DNAH11: variants seen among roughly 807,000 people sequenced by gnomAD.
DNAH11 encodes the protein axonemal beta dynein heavy chain 11.
In DNAH11, 442 loss-of-function variants were observed where a neutral mutation model predicts 526.0. The observed-to-expected ratio is 0.84, with a 90% confidence interval of 0.78 to 0.91. The LOEUF (loss-of-function observed/expected upper bound fraction) is 0.91. DNAH11 is among the 40% of genes least tolerant of loss of function. The pLI, the probability that DNAH11 is intolerant of heterozygous loss-of-function variation, is 0.00. For synonymous variants in DNAH11, 2,461 were observed against 1,935.9 expected, an observed-to-expected ratio of 1.27 and a Z score of -7.12; for missense variants, 6,989 against 5,448.7, an observed-to-expected ratio of 1.28 and a Z score of -8.90.
At chr7:21,734,940 G>A (rs934538536) in intron 45 of DNAH11, among the ~76,000 whole-genome samples, 19 of 152,038 alleles carry the variant, frequency 1.2e-4, no homozygotes, top group African/African-American at 3.1e-4. Flanking sequence ...GGGAGCCCGA[G>A]GCGGGTGGAT....
chr7:21,728,098 G>A (rs112691178), intron 45 of DNAH11, among the ~76,000 whole-genome samples: 3,418 of 152,076 alleles, frequency 0.022, 72 homozygotes, highest in Non-Finnish European at 0.033. Flanking sequence ...CACATTCTGA[G>A]GTATGAGGGG....
At chr7:21,900,951 C>CATTATCATTAGTAGCA (rs2128053205) in intron 81 of DNAH11, 56 bp from the exon 82 acceptor site, 1 of 1,504,112 alleles carries the variant, frequency 6.6e-7, no homozygotes, top group South Asian at 1.4e-5. Flanking sequence ...CTTACTTGAT[C>CATTATCATTAGTAGCA]ATTATCATTA....
chr7:21,564,041 GTA>G, intron 5 of DNAH11, 143 bp from the exon 6 acceptor site: 1 of 539,064 alleles, frequency 1.9e-6, no homozygotes, highest in Non-Finnish European at 3.1e-6. Flanking sequence ...TGTGTAGATT[GTA>G]GGATAAGTAA....
Position 21,570,161 on chromosome 7 carries a change from T to G in DNAH11, c.1287T>G (p.Thr429=). The G allele has an allele frequency of 6.2e-7, 1 of 1,613,328 alleles. No individual in the cohort carries two copies. The highest frequency in any genetic ancestry group is 2.2e-5 in the East Asian group (1 of 44,876). Residue 429 remains threonine (T), a synonymous_variant, in exon 7 of 82, where the codon ACT becomes ACG. Transcript: ENST00000409508. ...AGGTGGCTGTTAACATCTTAAAGACTTTCAAAAACTCCTTTTTCAACTATA... is the reference window on the plus strand; with the variant it reads ...AGGTGGCTGTTAACATCTTAAAGACGTTCAAAAACTCCTTTTTCAACTATA... The part of the protein sequence containing the change: ...KVQVAVNILK[T]FKNSFFNYRK...
intron 67 of DNAH11, among the ~76,000 whole-genome samples, chr7:21,853,736 A>C (rs145997843): frequency 6.6e-6 from 1 of 152,222 alleles, no homozygotes; most frequent in Non-Finnish European, 1.5e-5. Context: ...TTTTTAAATT[A>C]TCTCTCTGAA....
chr7:21,622,266 T>C lies in DNAH11; in HGVS notation c.4500+2188T>C, dbSNP rs535005211. Among the ~76,000 whole-genome samples, 853 of 152,212 alleles carry C rather than the reference T, an allele frequency of 5.6e-3. 4 individuals are homozygous for C. Among genetic ancestry groups the C allele is most frequent in the African/African-American group, 0.019 (793 of 41,528 alleles). Reference sequence around the variant, plus strand: ...ACCTAGGAATCCAACTTACAAGGGATGTGAAGGACCTCTTCAAGGAGAACT... The same window carrying C: ...ACCTAGGAATCCAACTTACAAGGGACGTGAAGGACCTCTTCAAGGAGAACT... On this transcript the variant is annotated intron_variant, in intron 25 of 81. Coordinates refer to ENST00000409508, the MANE Select transcript of DNAH11 (RefSeq NM_001277115.2).
At chr7:21,674,621 G>A (rs1238830874) in intron 30 of DNAH11, among the ~76,000 whole-genome samples, 4 of 152,004 alleles carry the variant, frequency 2.6e-5, no homozygotes, top group South Asian at 4.1e-4. Flanking sequence ...GGCCTGCCAC[G>A]ATCTTTCTTT....
intron 20 of DNAH11, among the ~76,000 whole-genome samples, chr7:21,613,345 A>G (rs1025551937): frequency 2.0e-5 from 3 of 152,092 alleles, no homozygotes; most frequent in African/African-American, 7.3e-5. Flanking sequence ...TTAAATATGT[A>G]GTAGGGAAAA....
Position 21,787,549 on chromosome 7 carries a change from G to C in DNAH11, c.9890G>C (p.Cys3297Ser). Reference sequence around the variant, plus strand: ...AAATCTTTTGCAGCAGCTGGCCTGTGTGCCTGGGTCATCAACATCATTAAA... The same window carrying C: ...AAATCTTTTGCAGCAGCTGGCCTGTCTGCCTGGGTCATCAACATCATTAAA... ...RTKSFAAAGL[C>S]AWVINIIKFY... Residue 3297 changes from cysteine (C) to serine (S), a missense_variant, in exon 60 of 82, where the codon TGT becomes TCT. By Grantham distance (112) the Cys-to-Ser change is moderately radical. Coordinates refer to ENST00000409508, the MANE Select transcript of DNAH11 (RefSeq NM_001277115.2). 6.2e-7 allele frequency: 1 copy of C among 1,612,168 alleles called. No homozygotes were observed. The highest frequency in any genetic ancestry group is 8.5e-7 in the Non-Finnish European group (1 of 1,179,298).
intron 65 of DNAH11, among the ~76,000 whole-genome samples, chr7:21,829,256 A>G (rs1433338314): frequency 1.4e-5 from 2 of 140,486 alleles, no homozygotes; most frequent in Non-Finnish European, 3.1e-5. Flanking sequence ...TTAGTAGGCT[A>G]TATTATTTGC....
chr7:21,544,954 C>G, intron 1 of DNAH11, 52 bp from the exon 2 acceptor site: 2 of 1,460,436 alleles, frequency 1.4e-6, no homozygotes, highest in Non-Finnish European at 1.8e-6. Context: ...ATAGTAAATC[C>G]TGCTTGTTAA....
rs1308960055 is a variant in DNAH11 at position 21,801,134 on chromosome 7, C to A, written c.10027-3C>A. 1.2e-6 allele frequency: 2 copies of A among 1,604,086 alleles called. No homozygotes were observed. Among genetic ancestry groups the A allele is most frequent in the Admixed American group, 3.4e-5 (2 of 58,512 alleles). On this transcript the variant is annotated splice_region_variant and splice_polypyrimidine_tract_variant and intron_variant, in intron 61 of 81. Coordinates refer to ENST00000409508, the MANE Select transcript of DNAH11 (RefSeq NM_001277115.2). Reference sequence around the variant, plus strand: ...CTCAAAAGTTAATTCAACTCTGATTCAGGATCTGGATCGAAATCTGAGCAG... The same window carrying A: ...CTCAAAAGTTAATTCAACTCTGATTAAGGATCTGGATCGAAATCTGAGCAG...
chr7:21,718,060 G>A, intron 43 of DNAH11, 135 bp downstream of exon 43: 1 of 1,207,228 alleles, frequency 8.3e-7, no homozygotes, highest in Non-Finnish European at 1.1e-6. Context: ...CAACCCTCTT[G>A]CCCCCGCCCC....
chr7:21,793,662 T>G (rs1788573491), intron 61 of DNAH11, among the ~76,000 whole-genome samples: 1 of 150,818 alleles, frequency 6.6e-6, no homozygotes, highest in Admixed American at 6.6e-5. Context: ...TTAGATGAAA[T>G]GTTCTATAAA....
At chr7:21,570,736 T>C (rs1783852529) in intron 7 of DNAH11, 1 of 152,716 alleles carries the variant, frequency 6.5e-6, no homozygotes, top group African/African-American at 2.4e-5. Flanking sequence ...ATATATGCTG[T>C]ACTACAAAAA....
chr7:21,869,720 C>T (rs952781029), intron 73 of DNAH11, among the ~76,000 whole-genome samples: 2 of 152,242 alleles, frequency 1.3e-5, no homozygotes, highest in Non-Finnish European at 2.9e-5. Context: ...ATCATTATCT[C>T]ATACAAGTCC....
At chr7:21,809,449 C>T (rs1237921893) in intron 63 of DNAH11, among the ~76,000 whole-genome samples, 1 of 152,180 alleles carries the variant, frequency 6.6e-6, no homozygotes, top group Non-Finnish European at 1.5e-5. Context: ...CCCAGATGTC[C>T]TGAAGCATTT....
intron 48 of DNAH11, among the ~76,000 whole-genome samples, chr7:21,741,553 G>C (rs1216813729): frequency 1.3e-5 from 2 of 152,178 alleles, no homozygotes; most frequent in African/African-American, 4.8e-5. Context: ...TGCTGATCTT[G>C]GCTGGGCTCA....
intron 25 of DNAH11, among the ~76,000 whole-genome samples, chr7:21,623,991 AAAAT>A (rs1052190773): frequency 1.3e-5 from 2 of 151,432 alleles, no homozygotes; most frequent in Non-Finnish European, 2.9e-5. Flanking sequence ...ATAAAAATAA[AAAAT>A]AAAAAAAAAG....
Sources: allele counts gnomAD v4.1 joint callset (sites outside exome capture counted in the v4.1 genomes callset), GRCh38; gene constraint gnomAD v4.1.1; transcripts MANE v1.5; gene names NCBI Gene and HGNC (gene_info 2026-07-23, HGNC 2026-07-21).